The following PDE1A variants were observed in gnomAD, a reference collection of about 807,000 sequenced individuals.
PDE1A encodes the protein dual specificity calcium/calmodulin-dependent 3',5'-cyclic nucleotide phosphodiesterase 1A.
In PDE1A, 35 loss-of-function variants were observed where a neutral mutation model predicts 61.7. That is an observed-to-expected ratio of 0.57 (90% CI 0.43 to 0.75). The LOEUF (loss-of-function observed/expected upper bound fraction) is 0.75, where lower values mean the gene tolerates loss of function less well. Among genes scored for constraint, PDE1A ranks in the 30% least tolerant of loss-of-function variants. The pLI, the probability that PDE1A is intolerant of heterozygous loss-of-function variation, is 0.00. For missense variants in PDE1A, 597 were observed against 630.6 expected (o/e 0.95, Z 0.57); for synonymous variants, 232 against 213.2 (o/e 1.09, Z -0.77).
At chr2:182,345,626 T>C (rs758523132) in intron 1 of PDE1A, among the ~76,000 whole-genome samples, 2 of 152,170 alleles carry the variant, frequency 1.3e-5, no homozygotes, top group Non-Finnish European at 2.9e-5. Context: ...CTGGCTCCCC[T>C]GCTATTCATT....
At chr2:182,481,188 G>T (rs932407703) in intron 2 of PDE1A, among the ~76,000 whole-genome samples, 1 of 151,792 alleles carries the variant, frequency 6.6e-6, no homozygotes, top group African/African-American at 2.4e-5. Flanking sequence ...TTTTTTAAAG[G>T]GGGGCACTAC....
the PDE1A span, among the ~76,000 whole-genome samples, chr2:182,533,887 A>C: frequency 6.6e-6 from 1 of 152,146 alleles, no homozygotes; most frequent in East Asian, 1.9e-4. Context: ...CTTTCTGTGC[A>C]CTTTTCTAGA....
the PDE1A span, among the ~76,000 whole-genome samples, chr2:182,630,985 T>TTG: frequency 6.6e-6 from 1 of 152,164 alleles, no homozygotes; most frequent in African/African-American, 2.4e-5. Flanking sequence ...TACATATACG[T>TTG]TGTGTGTATA....
At chr2:182,622,233 C>T in the PDE1A span, among the ~76,000 whole-genome samples, 4 of 152,280 alleles carry the variant, frequency 2.6e-5, no homozygotes, top group South Asian at 6.2e-4. Context: ...ACCCTAGCTG[C>T]ATATTAAACA....
the PDE1A span, among the ~76,000 whole-genome samples, chr2:182,694,813 G>GAA: frequency 1.1e-5 from 1 of 87,544 alleles, no homozygotes; most frequent in African/African-American, 3.4e-5. Context: ...TTACATAGAG[G>GAA]AAAAAAAAAG....
the PDE1A span, among the ~76,000 whole-genome samples, chr2:182,572,848 G>A: frequency 3.0e-5 from 4 of 133,218 alleles, no homozygotes; most frequent in Admixed American, 8.5e-5. Context: ...CAGTCTGGGC[G>A]ACAGAGCGAG....
chr2:182,187,198 G>GA (rs1236305055), intron 11 of PDE1A, among the ~76,000 whole-genome samples: 1 of 152,204 alleles, frequency 6.6e-6, no homozygotes, highest in African/African-American at 2.4e-5. Context: ...TCAGTGAAGA[G>GA]AAAAGTAACA....
At chr2:182,291,201 C>T (rs1438312778) in intron 1 of PDE1A, among the ~76,000 whole-genome samples, 1 of 152,106 alleles carries the variant, frequency 6.6e-6, no homozygotes, top group Non-Finnish European at 1.5e-5. Context: ...GGCAATCCTT[C>T]ATGTACATTA....
chr2:182,573,519 C>T, the PDE1A span, among the ~76,000 whole-genome samples: 5 of 151,836 alleles, frequency 3.3e-5, no homozygotes, highest in Admixed American at 6.6e-5. Context: ...TCTAAAGGGA[C>T]GCAACAACAA....
At chr2:182,478,845 G>A (rs1687531459) in intron 2 of PDE1A, among the ~76,000 whole-genome samples, 2 of 151,890 alleles carry the variant, frequency 1.3e-5, no homozygotes, top group Non-Finnish European at 2.9e-5. Flanking sequence ...AAATGAAGGG[G>A]TTATAAATCT....
At chr2:182,644,850 G>GA in the PDE1A span, among the ~76,000 whole-genome samples, 5 of 150,368 alleles carry the variant, frequency 3.3e-5, no homozygotes, top group South Asian at 4.2e-4. Flanking sequence ...GTAGAGTCTG[G>GA]AAAAAAAACC....
chr2:182,610,606 A>C, the PDE1A span, among the ~76,000 whole-genome samples: 1 of 152,182 alleles, frequency 6.6e-6, no homozygotes, highest in East Asian at 1.9e-4. Context: ...TAAAATAGTA[A>C]ATTAAAACAG....
At chr2:182,597,243 T>C in the PDE1A span, among the ~76,000 whole-genome samples, 2 of 152,080 alleles carry the variant, frequency 1.3e-5, no homozygotes, top group Non-Finnish European at 2.9e-5. Context: ...TTATGAGAAA[T>C]GAATTTGACA....
chr2:182,279,876 T>A (rs1273142147), intron 1 of PDE1A, among the ~76,000 whole-genome samples: 2 of 151,954 alleles, frequency 1.3e-5, no homozygotes, highest in African/African-American at 4.8e-5. Flanking sequence ...GGGATTTTAC[T>A]CTACATTTTA....
At chr2:182,632,153 G>C in the PDE1A span, among the ~76,000 whole-genome samples, 1 of 152,046 alleles carries the variant, frequency 6.6e-6, no homozygotes, top group African/African-American at 2.4e-5. Flanking sequence ...CACACACCAA[G>C]AGACAGAGAG....
chr2:182,458,935 C>A (rs1317824074), intron 2 of PDE1A, among the ~76,000 whole-genome samples: 6 of 152,158 alleles, frequency 3.9e-5, no homozygotes, highest in African/African-American at 1.2e-4. Flanking sequence ...CTATCATATT[C>A]TAAAGATTAC....
At chr2:182,317,108 T>C (rs1306158172) in intron 1 of PDE1A, among the ~76,000 whole-genome samples, 1 of 152,216 alleles carries the variant, frequency 6.6e-6, no homozygotes, top group East Asian at 1.9e-4. Context: ...CACACTTAAG[T>C]ATATTCTCAT....
chr2:182,371,773 A>C (rs543071463), intron 1 of PDE1A, among the ~76,000 whole-genome samples: 3 of 152,162 alleles, frequency 2.0e-5, no homozygotes, highest in African/African-American at 7.2e-5. Flanking sequence ...GACCTACAAA[A>C]TGAATTAACA....
intron 7 of PDE1A, among the ~76,000 whole-genome samples, chr2:182,218,835 G>A (rs146315826): frequency 3.3e-5 from 5 of 152,118 alleles, no homozygotes; most frequent in African/African-American, 4.8e-5. Context: ...GGTGCTTAGC[G>A]TTGTTTTAAT....
Sources: allele counts gnomAD v4.1 joint callset (sites outside exome capture counted in the v4.1 genomes callset), GRCh38; gene constraint gnomAD v4.1.1; transcripts MANE v1.5; gene names NCBI Gene and HGNC (gene_info 2026-07-23, HGNC 2026-07-21).